Variants in IGF2BP2 observed in about 807,000 individuals in gnomAD.
IGF2BP2 encodes insulin-like growth factor 2 mRNA-binding protein 2.
IGF2BP2 carries 17 observed loss-of-function variants against 75.8 expected under a neutral mutation model. That is an observed-to-expected ratio of 0.22 (90% CI 0.15 to 0.34). The LOEUF (loss-of-function observed/expected upper bound fraction) is 0.34. IGF2BP2 is among the 10% of genes least tolerant of loss of function. IGF2BP2 has a pLI of 1.00. For missense variants in IGF2BP2, 516 were observed against 772.4 expected (o/e 0.67, Z 3.93); for synonymous variants, 288 against 295.6 (o/e 0.97, Z 0.26).
chr3:185,758,226 T>C (rs117218451), intron 2 of IGF2BP2, among the ~76,000 whole-genome samples: 1 of 152,210 alleles, frequency 6.6e-6, no homozygotes, highest in Non-Finnish European at 1.5e-5. Flanking sequence ...TAGAGACTTA[T>C]AACCATCTCA....
Position 185,692,781 on chromosome 3 carries a change from C to A in IGF2BP2, c.341-19G>T. 6.2e-7 allele frequency: 1 copy of A among 1,613,042 alleles called. No individual in the cohort carries two copies. Among genetic ancestry groups the A allele is most frequent in the Non-Finnish European group, 8.5e-7 (1 of 1,179,250 alleles). ...GTGTTGACTAGGGAAAAGGCAAAAACTACACTGTCATAGGAAAAAGTGCTG... is the reference window on the plus strand; with the variant it reads ...GTGTTGACTAGGGAAAAGGCAAAAAATACACTGTCATAGGAAAAAGTGCTG... On this transcript the variant is annotated intron_variant, in intron 4 of 15. Coordinates refer to ENST00000382199, the MANE Select transcript of IGF2BP2 (RefSeq NM_006548.6).
chr3:185,670,547 T>C (rs927216168), intron 10 of IGF2BP2, among the ~76,000 whole-genome samples: 7 of 152,172 alleles, frequency 4.6e-5, no homozygotes, highest in Non-Finnish European at 4.4e-5. Flanking sequence ...CTGACTCCTA[T>C]ATTTGAGATT....
chr3:185,815,886 T>C (rs1224812187), intron 2 of IGF2BP2, among the ~76,000 whole-genome samples: 1 of 152,238 alleles, frequency 6.6e-6, no homozygotes, highest in Non-Finnish European at 1.5e-5. Flanking sequence ...TATTTTTTTG[T>C]GCGATTATAA....
intron 5 of IGF2BP2, among the ~76,000 whole-genome samples, chr3:185,691,195 T>C (rs1721907901): frequency 6.6e-6 from 1 of 152,188 alleles, no homozygotes. Flanking sequence ...GCCTCCCAAG[T>C]TCAAGTGATT....
chr3:185,672,146 T>C (rs1049222829), intron 10 of IGF2BP2, among the ~76,000 whole-genome samples: 1 of 152,236 alleles, frequency 6.6e-6, no homozygotes, highest in African/African-American at 2.4e-5. Flanking sequence ...AAACTGCACA[T>C]GTATGTATGT....
At chr3:185,697,230 C>T (rs540456509) in intron 3 of IGF2BP2, among the ~76,000 whole-genome samples, 12 of 152,220 alleles carry the variant, frequency 7.9e-5, no homozygotes, top group Admixed American at 5.9e-4. Flanking sequence ...CTCAGCCTCC[C>T]GAGTAGCTGG....
At chr3:185,715,106 G>A (rs1458750112) in intron 2 of IGF2BP2, among the ~76,000 whole-genome samples, 1 of 152,168 alleles carries the variant, frequency 6.6e-6, no homozygotes. Flanking sequence ...ACCAGGGGGA[G>A]GCAACACCTT....
intron 2 of IGF2BP2, among the ~76,000 whole-genome samples, chr3:185,796,480 T>C (rs1737401116): frequency 6.6e-6 from 1 of 150,784 alleles, no homozygotes; most frequent in African/African-American, 2.4e-5. Context: ...GGAGAATCAC[T>C]TGAACTCCCG....
chr3:185,688,798 A>T (rs924944021), intron 6 of IGF2BP2, among the ~76,000 whole-genome samples: 1 of 152,222 alleles, frequency 6.6e-6, no homozygotes, highest in African/African-American at 2.4e-5. Context: ...ATCATGCTAC[A>T]GTCTTAGGAA....
At chr3:185,718,080 G>A (rs1455082404) in intron 2 of IGF2BP2, 1 of 152,232 alleles carries the variant, frequency 6.6e-6, no homozygotes, top group African/African-American at 2.4e-5. Flanking sequence ...ATAGGCATCT[G>A]ACTAGGGCAG....
intron 4 of IGF2BP2, among the ~76,000 whole-genome samples, chr3:185,696,149 C>G (rs1578002607): frequency 6.6e-6 from 1 of 152,230 alleles, no homozygotes; most frequent in Non-Finnish European, 1.5e-5. Flanking sequence ...CTCAGCAGGT[C>G]TACAGTAAGC....
chr3:185,805,060 G>A (rs1194490762), intron 2 of IGF2BP2, among the ~76,000 whole-genome samples: 1 of 151,866 alleles, frequency 6.6e-6, no homozygotes, highest in Non-Finnish European at 1.5e-5. Flanking sequence ...CCAATGTGAT[G>A]GAAAATGCTC....
chr3:185,815,584 T>C (rs988282308), intron 2 of IGF2BP2, among the ~76,000 whole-genome samples: 2 of 152,200 alleles, frequency 1.3e-5, no homozygotes, highest in Non-Finnish European at 2.9e-5. Context: ...GTCCAGTGCC[T>C]AGCACGTAGC....
At chr3:185,661,688 T>C (rs548250003) in intron 10 of IGF2BP2, among the ~76,000 whole-genome samples, 89 of 149,802 alleles carry the variant, frequency 5.9e-4, no homozygotes, top group African/African-American at 1.8e-3. Flanking sequence ...GTGGGAGGCA[T>C]TGACCCGGGT....
intron 3 of IGF2BP2, 93 bp downstream of exon 3, chr3:185,698,206 G>GA: frequency 1.8e-6 from 2 of 1,092,466 alleles, no homozygotes; most frequent in Non-Finnish European, 2.8e-6. Context: ...AGCTTTGTGG[G>GA]AAACACTGAG....
rs768122343 is a variant in IGF2BP2 at position 185,689,513 on chromosome 3, G to A, written c.519C>T (p.Asp173=). Residue 173 remains aspartate, a synonymous_variant, in exon 6 of 16, where the codon GAC becomes GAT. Coordinates refer to ENST00000382199, the MANE Select transcript of IGF2BP2 (RefSeq NM_006548.6). ...CGTGGCCTTGCTCCCGGGAAGAGTG[G>A]TCCCCACGCTGGGCTCGCTGAGGGG... The part of the protein sequence containing the change: ...PSPPQRAQRG[D]HSSREQGHAP... The A allele has an allele frequency of 3.7e-6, 6 of 1,614,106 alleles. No homozygotes were observed. Among genetic ancestry groups the A allele is most frequent in the South Asian group, 2.2e-5 (2 of 91,074 alleles).
At chr3:185,735,465 T>C (rs1218263430) in intron 2 of IGF2BP2, among the ~76,000 whole-genome samples, 1 of 152,184 alleles carries the variant, frequency 6.6e-6, no homozygotes, top group African/African-American at 2.4e-5. Flanking sequence ...TTAATCTATG[T>C]GCACAGCAAT....
intron 2 of IGF2BP2, among the ~76,000 whole-genome samples, chr3:185,769,600 G>GT (rs1277930411): frequency 6.6e-6 from 1 of 151,950 alleles, no homozygotes; most frequent in African/African-American, 2.4e-5. Flanking sequence ...ACTTTTGGAG[G>GT]TTTGAGGCAG....
At chr3:185,805,307 T>C (rs1259067042) in intron 2 of IGF2BP2, among the ~76,000 whole-genome samples, 1 of 152,128 alleles carries the variant, frequency 6.6e-6, no homozygotes, top group Admixed American at 6.5e-5. Flanking sequence ...GTGGAAAGAC[T>C]CTGTGATGAG....
Sources: allele counts gnomAD v4.1 joint callset (sites outside exome capture counted in the v4.1 genomes callset), GRCh38; gene constraint gnomAD v4.1.1; transcripts MANE v1.5; gene names NCBI Gene and HGNC (gene_info 2026-07-23, HGNC 2026-07-21).